PLD5: variants seen among roughly 807,000 people sequenced by gnomAD.
The protein encoded by PLD5 is phospholipase D family member 5, also known as inactive phospholipase D5.
A neutral mutation model predicts 61.1 loss-of-function variants in PLD5; 36 were observed. That is an observed-to-expected ratio of 0.59 (90% CI 0.45 to 0.78). The LOEUF is 0.78. Among genes scored for constraint, PLD5 ranks in the 30% least tolerant of loss-of-function variants. The pLI is 0.00. For synonymous variants in PLD5, 243 were observed against 242.8 expected (o/e 1.00, Z -0.01); for missense variants, 515 against 644.4 (o/e 0.80, Z 2.17).
chr1:242,218,927 A>G (rs541426385), intron 5 of PLD5, among the ~76,000 whole-genome samples: 4 of 152,364 alleles, frequency 2.6e-5, no homozygotes, highest in African/African-American at 7.2e-5. Flanking sequence ...AAAAATGCCC[A>G]GCATAGAGAA....
chr1:242,326,260 G>A (rs1291101578), intron 2 of PLD5, among the ~76,000 whole-genome samples: 1 of 152,076 alleles, frequency 6.6e-6, no homozygotes, highest in Non-Finnish European at 1.5e-5. Flanking sequence ...GCTTTGACTG[G>A]TTTCTGAAAG....
chr1:242,289,669 A>G (rs1675245509), intron 2 of PLD5, among the ~76,000 whole-genome samples: 1 of 152,262 alleles, frequency 6.6e-6, no homozygotes, highest in Admixed American at 6.5e-5. Context: ...GCAATTCTTG[A>G]TGGAAAACCT....
intron 1 of PLD5, among the ~76,000 whole-genome samples, chr1:242,457,990 T>C (rs1666995607): frequency 6.6e-6 from 1 of 152,190 alleles, no homozygotes; most frequent in African/African-American, 2.4e-5. Context: ...TCAATATCAC[T>C]TTAGGTTTTA....
chr1:242,346,287 C>A (rs6429349), intron 2 of PLD5, among the ~76,000 whole-genome samples: 144,479 of 151,976 alleles, frequency 0.95, 68,938 homozygotes, highest in Non-Finnish European at 0.99. Context: ...AAAAAAATGA[C>A]CTTTTGTTGT....
intron 3 of PLD5, among the ~76,000 whole-genome samples, chr1:242,267,577 A>G (rs532656780): frequency 6.6e-6 from 1 of 152,280 alleles, no homozygotes; most frequent in African/African-American, 2.4e-5. Flanking sequence ...TCAGACAGTT[A>G]TTAACTCCTT....
intron 4 of PLD5, among the ~76,000 whole-genome samples, chr1:242,241,052 A>G (rs976092416): frequency 1.3e-5 from 2 of 152,232 alleles, no homozygotes; most frequent in Non-Finnish European, 2.9e-5. Flanking sequence ...GGCCTCATTA[A>G]AAAAGGAAAT....
At chr1:242,183,419 T>C (rs150843253) in intron 5 of PLD5, among the ~76,000 whole-genome samples, 2 of 152,182 alleles carry the variant, frequency 1.3e-5, no homozygotes, top group African/African-American at 4.8e-5. Context: ...TCAAATGCAA[T>C]GAGAACCCAC....
At chr1:242,133,810 G>A (rs1323956493) in intron 5 of PLD5, among the ~76,000 whole-genome samples, 2 of 152,192 alleles carry the variant, frequency 1.3e-5, no homozygotes, top group South Asian at 2.1e-4. Flanking sequence ...TAGAGTAACT[G>A]GAGAATATTA....
chr1:242,369,286 A>G (rs1440251066), intron 1 of PLD5, among the ~76,000 whole-genome samples: 1 of 152,224 alleles, frequency 6.6e-6, no homozygotes, highest in East Asian at 1.9e-4. Flanking sequence ...ATTGGGTTAA[A>G]AATGCAAACT....
intron 5 of PLD5, among the ~76,000 whole-genome samples, chr1:242,163,232 C>T (rs1014736928): frequency 3.4e-5 from 5 of 148,680 alleles, no homozygotes; most frequent in African/African-American, 7.8e-5. Context: ...CAAGCTCCGC[C>T]TCCCGGGTTC....
At chr1:242,196,915 T>C (rs548823713) in intron 5 of PLD5, among the ~76,000 whole-genome samples, 1 of 152,156 alleles carries the variant, frequency 6.6e-6, no homozygotes, top group Admixed American at 6.5e-5. Context: ...AATGGGATGA[T>C]GTATACCCCT....
chr1:242,164,178 A>AC (rs1666127075), intron 5 of PLD5, among the ~76,000 whole-genome samples: 1 of 151,896 alleles, frequency 6.6e-6, no homozygotes, highest in Non-Finnish European at 1.5e-5. Flanking sequence ...AAAAAAAAAA[A>AC]AGAAATTCAT....
At chr1:242,276,790 G>T (rs563888121) in intron 3 of PLD5, among the ~76,000 whole-genome samples, 1 of 152,096 alleles carries the variant, frequency 6.6e-6, no homozygotes, top group East Asian at 2.0e-4. Flanking sequence ...AGTATCTGGC[G>T]TGGAGGCATG....
chr1:242,517,351 T>C (rs1669136288), intron 1 of PLD5, among the ~76,000 whole-genome samples: 1 of 152,246 alleles, frequency 6.6e-6, no homozygotes, highest in Non-Finnish European at 1.5e-5. Flanking sequence ...GGAATAGTAA[T>C]GATTGCTTTT....
chr1:242,381,402 G>T (rs751244973), intron 1 of PLD5, among the ~76,000 whole-genome samples: 2 of 152,132 alleles, frequency 1.3e-5, no homozygotes, highest in African/African-American at 4.8e-5. Context: ...GTGGTTGGGG[G>T]TGAGGGAGGG....
chr1:242,405,656 C>A (rs912660779), intron 1 of PLD5, among the ~76,000 whole-genome samples: 4 of 151,206 alleles, frequency 2.6e-5, no homozygotes, highest in African/African-American at 4.9e-5. Flanking sequence ...GGCTGGAGTG[C>A]AATGGCACAA....
chr1:242,499,771 G>A (rs979777626), intron 1 of PLD5, among the ~76,000 whole-genome samples: 2 of 150,108 alleles, frequency 1.3e-5, no homozygotes, highest in Non-Finnish European at 2.9e-5. Context: ...CATGGATTGT[G>A]CAGGCAGGAA....
intron 8 of PLD5, 124 bp downstream of exon 8, chr1:242,107,547 C>CTT: frequency 1.1e-6 from 1 of 936,650 alleles, no homozygotes. Context: ...ACTTAACGTG[C>CTT]TTTTTGAAGA....
intron 1 of PLD5, among the ~76,000 whole-genome samples, chr1:242,372,734 A>C (rs971434908): frequency 5.3e-4 from 81 of 152,322 alleles, no homozygotes; most frequent in African/African-American, 1.9e-3. Flanking sequence ...AAAACTGGCT[A>C]GCCATATGTA....
Sources: allele counts gnomAD v4.1 joint callset (sites outside exome capture counted in the v4.1 genomes callset), GRCh38; gene constraint gnomAD v4.1.1; transcripts MANE v1.5; gene names NCBI Gene and HGNC (gene_info 2026-07-23, HGNC 2026-07-21).